The following EPHA8 variants were observed in gnomAD, a reference collection of about 807,000 sequenced individuals.
The protein encoded by EPHA8 is ephrin type-A receptor 8.
A neutral mutation model predicts 103.6 loss-of-function variants in EPHA8; 58 were observed. The observed-to-expected ratio is 0.56, with a 90% confidence interval of 0.45 to 0.70. EPHA8 has a LOEUF of 0.70. Ranked by LOEUF, EPHA8 falls within the 30% of genes least tolerant of loss-of-function variation. The pLI is 0.00. For synonymous variants in EPHA8, 559 were observed against 572.5 expected (o/e 0.98, Z 0.34); for missense variants, 1,304 against 1,395.2 (o/e 0.93, Z 1.04).
At chr1:22,585,485 A>G (rs1641176903) in intron 3 of EPHA8, among the ~76,000 whole-genome samples, 1 of 152,056 alleles carries the variant, frequency 6.6e-6, no homozygotes, top group Non-Finnish European at 1.5e-5. Context: ...TCCTCCCACC[A>G]TTTACCCTTC....
chr1:22,595,663 A>T (rs1641497243), intron 8 of EPHA8, among the ~76,000 whole-genome samples: 1 of 152,144 alleles, frequency 6.6e-6, no homozygotes. Flanking sequence ...TGGAGACAGG[A>T]TAGTGTGTGG....
intron 3 of EPHA8, among the ~76,000 whole-genome samples, chr1:22,580,607 A>T (rs528126824): frequency 6.6e-6 from 1 of 152,304 alleles, no homozygotes; most frequent in South Asian, 2.1e-4. Flanking sequence ...ACAAGCTCTC[A>T]TGGTTACTAT....
At chr1:22,594,057 A>C (rs1415287214) in intron 7 of EPHA8, among the ~76,000 whole-genome samples, 2 of 152,010 alleles carry the variant, frequency 1.3e-5, no homozygotes, top group Non-Finnish European at 2.9e-5. Flanking sequence ...GGTCTCGAAC[A>C]CCTGACCTTG....
Position 22,599,018 on chromosome 1 carries a change from G to T in EPHA8, c.2359G>T (p.Asp787Tyr), listed in dbSNP as rs758182002. 2 of 1,609,806 alleles carry T rather than the reference G, an allele frequency of 1.2e-6. No individual in the cohort carries two copies. Among genetic ancestry groups the T allele is most frequent in the Non-Finnish European group, 1.7e-6 (2 of 1,178,672 alleles). ...SDFGLSRVLE[D>Y]DPDAAYTTTG... ...CTTCGGGCTCTCACGGGTGCTGGAG[G>T]ACGACCCGGATGCTGCCTACACCAC... The change falls in exon 13 of 17, where the codon GAC becomes TAC. Residue 787 changes from aspartate to tyrosine, a missense_variant. Asp to Tyr is a radical substitution (Grantham distance 160). Transcript: ENST00000166244.
rs116335188 is a variant in EPHA8, at chr1:22,582,926, G to T, written c.824-3554G>T. Among the ~76,000 whole-genome samples the T allele has an allele frequency of 5.4e-3, 825 of 152,356 alleles. 5 individuals are homozygous for T. The highest frequency in any genetic ancestry group is 0.018 in the African/African-American group (747 of 41,580). On this transcript the variant is annotated intron_variant, in intron 3 of 16. Coordinates refer to ENST00000166244, the MANE Select transcript of EPHA8 (RefSeq NM_020526.5). The stretch of plus-strand genomic sequence containing the variant: ...AATATCAGAGAGTCTCATTTCGGAG[G>T]GGGAGCAGGAACAGTGAGCTCTTTT...
chr1:22,585,673 TG>T (rs1641183473), intron 3 of EPHA8, among the ~76,000 whole-genome samples: 1 of 152,158 alleles, frequency 6.6e-6, no homozygotes, highest in African/African-American at 2.4e-5. Context: ...GAGGCAGGGC[TG>T]GAAGCCAAGT....
chr1:22,589,909 G>A lies in EPHA8; in HGVS notation c.1315+703G>A, dbSNP rs939267060. Among the ~76,000 whole-genome samples the A allele has an allele frequency of 8.5e-5, 13 of 152,236 alleles. No individual in the cohort carries two copies. The highest frequency in any genetic ancestry group is 2.9e-4 in the African/African-American group (12 of 41,546). On this transcript the variant is annotated intron_variant, in intron 5 of 16. Transcript: ENST00000166244. This position sits in a 1 kb window ranked among gnomAD's most constrained non-coding sequence, Gnocchi z 4.3. The stretch of plus-strand genomic sequence containing the variant: ...CTCCTCCCAAAACCACACAGCCCTG[G>A]CCTCGCAGACAATATGCCCACCACG...
rs1274543091 is a variant in EPHA8, at chr1:22,563,946, C to T, written c.94+217C>T. Reference sequence around the variant, plus strand: ...CGAGCTTGAGGAAGACGGACAGGTACCGGGGACTGGGGGACAGTGGGAAAG... The same window carrying T: ...CGAGCTTGAGGAAGACGGACAGGTATCGGGGACTGGGGGACAGTGGGAAAG... On this transcript the variant is annotated intron_variant, in intron 1 of 16. Coordinates refer to ENST00000166244, the MANE Select transcript of EPHA8 (RefSeq NM_020526.5). The surrounding 1 kb of genome is among the most constrained non-coding windows in gnomAD (Gnocchi z 4.4). 6.6e-6 allele frequency among the ~76,000 whole-genome samples: 1 copy of T among 151,790 alleles called. No individual in the cohort carries two copies. Among genetic ancestry groups the T allele is most frequent in the Non-Finnish European group, 1.5e-5 (1 of 67,924 alleles).
chr1:22,597,419 A>G lies in EPHA8; in HGVS notation c.1873A>G (p.Ser625Gly), dbSNP rs754761927. Residue 625 changes from serine (S) to glycine (G), a missense_variant, in exon 10 of 17, where the codon AGT becomes GGT. By Grantham distance (56) the Ser-to-Gly change is moderately conservative. Coordinates refer to ENST00000166244, the MANE Select transcript of EPHA8 (RefSeq NM_020526.5). The surrounding 1 kb of genome is among the most constrained non-coding windows in gnomAD (Gnocchi z 4.6). ...CGAGGAGCCAGGCCGGGCGGGCCGC[A>G]GTTTCACTCGGGAGATCGAGGCCTC... ...TYEEPGRAGR[S>G]FTREIEASRI... is the part of the protein sequence containing the mutation. The G allele has an allele frequency of 2.5e-6, 4 of 1,613,512 alleles. No individual in the cohort carries two copies. The highest frequency in any genetic ancestry group is 2.5e-6 in the Non-Finnish European group (3 of 1,179,980).
rs779999041 is a variant in EPHA8 at position 22,597,412 on chromosome 1, G to A, written c.1866G>A (p.Ala622=). The A allele has an allele frequency of 1.1e-5, 17 of 1,613,414 alleles. No individual in the cohort carries two copies. Among genetic ancestry groups the A allele is most frequent in the East Asian group, 6.7e-5 (3 of 44,888 alleles). ...EPHTYEEPGR[A]GRSFTREIEA... is the part of the protein sequence containing the mutation. ...ACACCTACGAGGAGCCAGGCCGGGC[G>A]GGCCGCAGTTTCACTCGGGAGATCG... The change falls in exon 10 of 17, where the codon GCG becomes GCA. Residue 622 remains alanine, a synonymous_variant. Coordinates refer to ENST00000166244, the MANE Select transcript of EPHA8 (RefSeq NM_020526.5). The surrounding 1 kb of genome is among the most constrained non-coding windows in gnomAD (Gnocchi z 4.6).
At chr1:22,592,017 C>G (rs529881170) in intron 5 of EPHA8, among the ~76,000 whole-genome samples, 1 of 152,184 alleles carries the variant, frequency 6.6e-6, no homozygotes, top group African/African-American at 2.4e-5. Context: ...TTGGGCACTG[C>G]AGAGTTCCCG....
chr1:22,580,489 A>C (rs1483658805), intron 3 of EPHA8, among the ~76,000 whole-genome samples: 1 of 151,998 alleles, frequency 6.6e-6, no homozygotes, highest in Non-Finnish European at 1.5e-5. Context: ...AATTTCTATG[A>C]GTCTTCTCCT....
In EPHA8 at chr1:22,600,892, CTGCAGG is replaced by C; in HGVS notation, c.2539-4_2540del. The C allele has an allele frequency of 1.2e-6, 2 of 1,601,004 alleles. No homozygotes were observed. Among genetic ancestry groups the C allele is most frequent in the Non-Finnish European group, 1.7e-6 (2 of 1,172,654 alleles). ...GACGGCTGAGCCCAGCGCTGATCCC[CTGCAGG>C]TCATCAGCTCTGTGGAGGAGGGGTA... On this transcript the variant is annotated splice_acceptor_variant and splice_polypyrimidine_tract_variant and coding_sequence_variant and intron_variant, in exon 15 of 17. Transcript: ENST00000166244. LOFTEE classifies it high-confidence loss of function.
intron 4 of EPHA8, among the ~76,000 whole-genome samples, chr1:22,588,198 T>C (rs1641269595): frequency 6.6e-6 from 1 of 152,304 alleles, no homozygotes; most frequent in South Asian, 2.1e-4. Context: ...AGAACTGGAA[T>C]TCTGAGGCCA....
Position 22,563,552 on chromosome 1 carries a change from G to T in EPHA8, c.-84G>T. Reference sequence around the variant, plus strand: ...CCGGCCGGGTGTGCGGAGAGCGAGGGAGCGCGCTCCCTCCCGACGCGCGGG... The same window carrying T: ...CCGGCCGGGTGTGCGGAGAGCGAGGTAGCGCGCTCCCTCCCGACGCGCGGG... On this transcript the variant is annotated 5_prime_UTR_variant, in exon 1 of 17. Transcript: ENST00000166244. The surrounding 1 kb of genome is among the most constrained non-coding windows in gnomAD (Gnocchi z 4.4). 6.8e-6 allele frequency: 1 copy of T among 146,326 alleles called. No homozygotes were observed. The highest frequency in any genetic ancestry group is 1.9e-4 in the South Asian group (1 of 5,382). 9.1% of individuals were successfully genotyped at this position (146,326 alleles called of 1,614,324 possible).
intron 3 of EPHA8, among the ~76,000 whole-genome samples, chr1:22,581,049 C>T (rs1641032505): frequency 6.6e-6 from 1 of 152,222 alleles, no homozygotes; most frequent in Non-Finnish European, 1.5e-5. Context: ...TACAGGGAGT[C>T]CCTGCCTCTG....
intron 2 of EPHA8, among the ~76,000 whole-genome samples, chr1:22,570,375 TACAC>T (rs67048136): frequency 1.3e-5 from 2 of 151,668 alleles, no homozygotes; most frequent in African/African-American, 2.4e-5. Context: ...CGTGTGCGCG[TACAC>T]ACACGCGCGC....
In EPHA8 at chr1:22,588,964, G is replaced by A; in HGVS notation, c.1073G>A (p.Ser358Asn). ...CCTCCCCTGGACCCAGGTGGCCGCA[G>A]TGACATCACCTACAATGCCGTGTGC... ...WAPPLDPGGR[S>N]DITYNAVCRR... is the part of the protein sequence containing the mutation. Residue 358 changes from serine (S) to asparagine (N), a missense_variant, in exon 5 of 17, where the codon AGT becomes AAT. Physicochemically the swap from Ser to Asn is conservative, Grantham distance 46. Transcript: ENST00000166244. 6.2e-7 allele frequency: 1 copy of A among 1,613,520 alleles called. No homozygotes were observed. Among genetic ancestry groups the A allele is most frequent in the Non-Finnish European group, 8.5e-7 (1 of 1,179,954 alleles).
chr1:22,565,248 G>C (rs563232285), intron 1 of EPHA8, among the ~76,000 whole-genome samples: 1 of 152,332 alleles, frequency 6.6e-6, no homozygotes, highest in South Asian at 2.1e-4. Flanking sequence ...AACACACACA[G>C]ACACAGATAA....
Sources: gnomAD v4.1 joint callset for allele counts (sites outside exome capture counted in the v4.1 genomes callset) on GRCh38, gnomAD v4.1.1 for gene constraint, Gnocchi (gnomAD v3.1) non-coding constraint, MANE v1.5 for transcripts, NCBI Gene and HGNC (gene_info 2026-07-23, HGNC 2026-07-21) for gene names.